CRYBG3: variants seen among roughly 807,000 people sequenced by gnomAD.
CRYBG3 encodes the protein crystallin beta-gamma domain containing 3, also known as very large A-kinase anchor protein.
In CRYBG3, 127 loss-of-function variants were observed where a neutral mutation model predicts 244.2. The observed-to-expected ratio is 0.52, with a 90% confidence interval of 0.45 to 0.60. The LOEUF (loss-of-function observed/expected upper bound fraction) is 0.60, where lower values mean the gene tolerates loss of function less well. Among genes scored for constraint, CRYBG3 ranks in the 20% least tolerant of loss-of-function variants. The probability of loss-of-function intolerance (pLI) is 0.00; values close to 1 mark genes in which losing one functional copy is unlikely to be tolerated. For synonymous variants in CRYBG3, 1,132 were observed against 1,195.8 expected, an observed-to-expected ratio of 0.95 and a Z score of 1.10; for missense variants, 3,325 against 3,442.5, an observed-to-expected ratio of 0.97 and a Z score of 0.85.
At chr3:97,838,643 C>T (rs535178256) in intron 1 of CRYBG3, among the ~76,000 whole-genome samples, 4 of 152,226 alleles carry the variant, frequency 2.6e-5, no homozygotes, top group Admixed American at 1.3e-4. Context: ...GCACCAAGAA[C>T]GGTGCCTGAC....
intron 2 of CRYBG3, among the ~76,000 whole-genome samples, chr3:97,863,438 T>C (rs983257927): frequency 1.2e-4 from 18 of 152,178 alleles, no homozygotes; most frequent in African/African-American, 4.3e-4. Flanking sequence ...AATGGACTTC[T>C]GCAACTGTTT....
At chr3:97,852,698 G>A (rs2039003711) in intron 2 of CRYBG3, among the ~76,000 whole-genome samples, 1 of 152,176 alleles carries the variant, frequency 6.6e-6, no homozygotes, top group Non-Finnish European at 1.5e-5. Flanking sequence ...ATATTTAGAA[G>A]TGGGATTGCT....
intron 15 of CRYBG3, 40 bp from the exon 16 acceptor site, chr3:97,912,127 A>AT (rs762432645): frequency 1.0e-4 from 113 of 1,113,742 alleles, no homozygotes; most frequent in East Asian, 2.1e-4. Context: ...ATCTAAGACC[A>AT]TTTTTTTTCT....
Position 97,876,036 on chromosome 3 carries a change from C to A in CRYBG3, c.4842C>A (p.Val1614=). ...SCIEKTEGSA[V]ILGMEKAYKM... Reference sequence around the variant, plus strand: ...TTGAAAAAACTGAGGGATCAGCTGTCATTTTAGGAATGGAAAAAGCTTATA... The same window carrying A: ...TTGAAAAAACTGAGGGATCAGCTGTAATTTTAGGAATGGAAAAAGCTTATA... The change falls in exon 4 of 22, where the codon GTC becomes GTA. Residue 1614 remains valine (V), a synonymous_variant. Coordinates refer to ENST00000389622, the MANE Select transcript of CRYBG3 (RefSeq NM_153605.4). 8.1e-7 allele frequency: 1 copy of A among 1,231,942 alleles called. No homozygotes were observed. The highest frequency in any genetic ancestry group is 1.0e-6 in the Non-Finnish European group (1 of 987,924). 76.3% of individuals were successfully genotyped at this position (1,231,942 alleles called of 1,614,324 possible). A position where few individuals can be genotyped will look rare whatever the true frequency, so the allele number is the denominator to read the frequency against.
At position 97,828,718 on chromosome 3, in the gene CRYBG3, T is replaced by C. The variant is rs565509407; in HGVS notation, c.149+6363T>C. Reference sequence around the variant, plus strand: ...TGGTGCTTGCCTGTAATCCCAGCTATTCCAGAGGCTGAGGCAGGAGAATCT... The same window carrying C: ...TGGTGCTTGCCTGTAATCCCAGCTACTCCAGAGGCTGAGGCAGGAGAATCT... On this transcript the variant is annotated intron_variant, in intron 1 of 21. Transcript: ENST00000389622. Among the ~76,000 whole-genome samples, 242 of 151,276 alleles carry C rather than the reference T, an allele frequency of 1.6e-3. 1 individual carries two copies. The highest frequency in any genetic ancestry group is 2.4e-3 in the Non-Finnish European group (161 of 67,792).
chr3:97,832,607 A>G (rs995719278), intron 1 of CRYBG3, among the ~76,000 whole-genome samples: 6 of 152,360 alleles, frequency 3.9e-5, no homozygotes, highest in African/African-American at 1.4e-4. Context: ...ACCTAAAACC[A>G]TAAAAACCCT....
intron 2 of CRYBG3, among the ~76,000 whole-genome samples, chr3:97,850,560 CA>C (rs2038970278): frequency 1.3e-5 from 2 of 152,096 alleles, no homozygotes; most frequent in Non-Finnish European, 2.9e-5. Context: ...ATAAAAGTTG[CA>C]AATAGCTTAT....
chr3:97,868,444 A>G (rs539780379), intron 3 of CRYBG3, among the ~76,000 whole-genome samples: 1 of 152,318 alleles, frequency 6.6e-6, no homozygotes, highest in South Asian at 2.1e-4. Context: ...GGGACTCACT[A>G]TAATATATGA....
At chr3:97,857,442 A>G (rs1222572301) in intron 2 of CRYBG3, among the ~76,000 whole-genome samples, 1 of 146,650 alleles carries the variant, frequency 6.8e-6, no homozygotes, top group African/African-American at 2.5e-5. Context: ...TTTGGTCTAG[A>G]TATGTCCAAA....
intron 15 of CRYBG3, among the ~76,000 whole-genome samples, chr3:97,905,483 T>G (rs2039761505): frequency 1.3e-5 from 2 of 152,014 alleles, no homozygotes. Flanking sequence ...TTTGCATTTC[T>G]CTGATGGCCA....
chr3:97,888,205 C>G, intron 8 of CRYBG3, 136 bp from the exon 9 acceptor site: 1 of 599,154 alleles, frequency 1.7e-6, no homozygotes, highest in Non-Finnish European at 3.0e-6. Context: ...ATGTCTGGCT[C>G]TCACTTTGAG....
At chr3:97,870,368 T>C (rs1273595811) in intron 3 of CRYBG3, among the ~76,000 whole-genome samples, 4 of 152,184 alleles carry the variant, frequency 2.6e-5, no homozygotes, top group Non-Finnish European at 4.4e-5. Flanking sequence ...ACGTTTACCT[T>C]CCACTTATAT....
chr3:97,938,778 C>T (rs2040191484), intron 19 of CRYBG3, among the ~76,000 whole-genome samples: 1 of 151,884 alleles, frequency 6.6e-6, no homozygotes, highest in African/African-American at 2.4e-5. Flanking sequence ...TATGGTAATA[C>T]ACTTATTTTG....
intron 18 of CRYBG3, among the ~76,000 whole-genome samples, chr3:97,936,442 G>C (rs1166957382): frequency 6.6e-6 from 1 of 152,072 alleles, no homozygotes; most frequent in African/African-American, 2.4e-5. Flanking sequence ...AGGGGCAGGA[G>C]TGTGATTTTC....
At position 97,836,018 on chromosome 3, in the gene CRYBG3, G is replaced by T. The variant is rs149776730; in HGVS notation, c.150-7177G>T. Among the ~76,000 whole-genome samples the T allele has an allele frequency of 1.3e-4, 20 of 152,190 alleles. No individual in the cohort carries two copies. The East Asian group carries it at 3.7e-3, about 28-fold the overall frequency. On this transcript the variant is annotated intron_variant, in intron 1 of 21. Coordinates refer to ENST00000389622, the MANE Select transcript of CRYBG3 (RefSeq NM_153605.4). The stretch of plus-strand genomic sequence containing the variant: ...TAGACAGCTCAGGCACACCTCAGAC[G>T]TACTGAGATTCTCACTCTGCAGCCT...
intron 2 of CRYBG3, among the ~76,000 whole-genome samples, chr3:97,853,406 T>TAC (rs57065921): frequency 0.026 from 3,858 of 147,702 alleles, 118 homozygotes; most frequent in African/African-American, 0.077. Flanking sequence ...ACACATACAA[T>TAC]ACACACACAC....
At chr3:97,833,052 A>G (rs573637840) in intron 1 of CRYBG3, among the ~76,000 whole-genome samples, 1 of 152,142 alleles carries the variant, frequency 6.6e-6, no homozygotes, top group African/African-American at 2.4e-5. Context: ...TCATTAAAAC[A>G]TCAGGAAACA....
chr3:97,873,217 A>G lies in CRYBG3; in HGVS notation c.2023A>G (p.Met675Val). 6.5e-7 allele frequency: 1 copy of G among 1,535,912 alleles called. No individual in the cohort carries two copies. The highest frequency in any genetic ancestry group is 8.7e-7 in the Non-Finnish European group (1 of 1,146,806). The change falls in exon 4 of 22, where the codon ATG becomes GTG. Residue 675 changes from methionine (M) to valine (V), a missense_variant. Around this residue, in one of 4 missense-constraint regions of CRYBG3, gnomAD observed 1,526 missense variants for 1,443.2 expected, o/e 1.06. Coordinates refer to ENST00000389622, the MANE Select transcript of CRYBG3 (RefSeq NM_153605.4). ...GAGCAAGTTGGATATTCCTGATTTA[A>G]TGAATGAGGGTTCTCCTGTGCCCAT... is the stretch of plus-strand genomic sequence containing the variant. ...MLSKLDIPDL[M>V]NEGSPVPIET... is the part of the protein sequence containing the mutation.
At chr3:97,929,853 A>T (rs1185740729) in intron 17 of CRYBG3, among the ~76,000 whole-genome samples, 3 of 152,140 alleles carry the variant, frequency 2.0e-5, no homozygotes, top group Non-Finnish European at 2.9e-5. Flanking sequence ...CATTATTTTT[A>T]AAAACATAGA....
Sources: allele counts gnomAD v4.1 joint callset (sites outside exome capture counted in the v4.1 genomes callset), GRCh38; gene constraint gnomAD v4.1.1; regional missense constraint gnomAD v4.1.1; transcripts MANE v1.5; gene names NCBI Gene and HGNC (gene_info 2026-07-23, HGNC 2026-07-21).